Variants in FCHSD2 observed in about 807,000 individuals in gnomAD.
The protein encoded by FCHSD2 is FCH and double SH3 domains 2, also known as F-BAR and double SH3 domains protein 2.
In FCHSD2, 38 loss-of-function variants were observed where a neutral mutation model predicts 108.1. The observed-to-expected ratio is 0.35, with a 90% CI of 0.27 to 0.46. The LOEUF is 0.46. FCHSD2 is among the 20% of genes least tolerant of loss of function. The pLI, the probability that FCHSD2 is intolerant of heterozygous loss-of-function variation, is 1.00. For synonymous variants in FCHSD2, 279 were observed against 314.7 expected, an observed-to-expected ratio of 0.89 and a Z score of 1.20; for missense variants, 751 against 897.8, an observed-to-expected ratio of 0.84 and a Z score of 2.09.
intron 6 of FCHSD2, among the ~76,000 whole-genome samples, chr11:72,988,219 C>T (rs762633042): frequency 6.6e-6 from 1 of 152,214 alleles, no homozygotes; most frequent in Non-Finnish European, 1.5e-5. Flanking sequence ...GACCCTGAGT[C>T]TCAGCTCTCC....
chr11:72,976,797 T>C (rs1857111864), intron 8 of FCHSD2, among the ~76,000 whole-genome samples: 1 of 152,084 alleles, frequency 6.6e-6, no homozygotes, highest in African/African-American at 2.4e-5. Flanking sequence ...GAACATACAC[T>C]GGGGGAAAAG....
chr11:72,864,749 A>G (rs1006486997), intron 13 of FCHSD2, among the ~76,000 whole-genome samples: 15 of 152,226 alleles, frequency 9.9e-5, no homozygotes, highest in African/African-American at 3.6e-4. Context: ...TTGCAGAATT[A>G]ATATAATATC....
intron 3 of FCHSD2, among the ~76,000 whole-genome samples, chr11:73,079,787 C>T (rs957003964): frequency 6.6e-6 from 1 of 151,986 alleles, no homozygotes; most frequent in South Asian, 2.1e-4. Flanking sequence ...ATCTAAAGGG[C>T]AAATGTGATA....
intron 5 of FCHSD2, among the ~76,000 whole-genome samples, chr11:72,996,089 AG>A (rs1488862008): frequency 2.0e-5 from 3 of 152,300 alleles, no homozygotes; most frequent in African/African-American, 7.2e-5. Context: ...AAGGAGTAAG[AG>A]AATTAAGTAG....
intron 3 of FCHSD2, among the ~76,000 whole-genome samples, chr11:73,035,782 G>A (rs568358276): frequency 6.6e-5 from 10 of 151,252 alleles, no homozygotes; most frequent in Admixed American, 1.3e-4. Flanking sequence ...GTACAGTGGC[G>A]CGATCTTGGC....
intron 8 of FCHSD2, among the ~76,000 whole-genome samples, chr11:72,977,964 T>G (rs185013639): frequency 2.0e-5 from 3 of 152,166 alleles, no homozygotes; most frequent in Non-Finnish European, 4.4e-5. Flanking sequence ...ATATACACCA[T>G]GGAATACTAT....
At position 72,908,845 on chromosome 11, in the gene FCHSD2, G is replaced by A. The variant is rs112954419; in HGVS notation, c.829-6207C>T. On this transcript the variant is annotated intron_variant, in intron 9 of 19. Transcript: ENST00000409418. Reference sequence around the variant, plus strand: ...AGTTTTGTACTTTTTGTAGAGATGGGGTTTCACCATGTTGCCCAGGCTGGT... The same window carrying A: ...AGTTTTGTACTTTTTGTAGAGATGGAGTTTCACCATGTTGCCCAGGCTGGT... Among the ~76,000 whole-genome samples, 683 of 152,104 alleles carry A rather than the reference G, an allele frequency of 4.5e-3. 1 individual carries two copies. The highest frequency in any genetic ancestry group is 0.016 in the African/African-American group (663 of 41,466).
At chr11:73,080,294 C>CT (rs1259715825) in intron 3 of FCHSD2, among the ~76,000 whole-genome samples, 1,481 of 110,994 alleles carry the variant, frequency 0.013, 33 homozygotes, top group African/African-American at 0.051. Context: ...AAGACCCTGT[C>CT]TCAAAAAAAA....
intron 5 of FCHSD2, among the ~76,000 whole-genome samples, chr11:72,996,607 G>A: frequency 6.6e-6 from 1 of 152,176 alleles, no homozygotes; most frequent in South Asian, 2.1e-4. Flanking sequence ...ATACAATTGT[G>A]TTTATCTTCC....
At chr11:72,997,704 TC>T (rs1857546111) in intron 5 of FCHSD2, among the ~76,000 whole-genome samples, 2 of 152,220 alleles carry the variant, frequency 1.3e-5, no homozygotes, top group African/African-American at 4.8e-5. Flanking sequence ...TATGAGGTTT[TC>T]TTTGTTTTGT....
At chr11:72,979,736 C>T (rs1436563914) in intron 8 of FCHSD2, among the ~76,000 whole-genome samples, 1 of 152,142 alleles carries the variant, frequency 6.6e-6, no homozygotes, top group Non-Finnish European at 1.5e-5. Flanking sequence ...AGGATGTGCT[C>T]TACCAAAGGA....
chr11:73,127,389 T>C (rs1281978479), intron 2 of FCHSD2, among the ~76,000 whole-genome samples: 1 of 152,000 alleles, frequency 6.6e-6, no homozygotes, highest in African/African-American at 2.4e-5. Context: ...TTCCATAAAT[T>C]ACTCCCGATC....
At chr11:72,961,571 T>C (rs1421473425) in intron 8 of FCHSD2, among the ~76,000 whole-genome samples, 3 of 152,154 alleles carry the variant, frequency 2.0e-5, no homozygotes, top group Non-Finnish European at 4.4e-5. Context: ...TTGTTTTAAA[T>C]GCGGATGTGT....
At chr11:73,081,777 A>G (rs1859693268) in intron 3 of FCHSD2, among the ~76,000 whole-genome samples, 1 of 152,212 alleles carries the variant, frequency 6.6e-6, no homozygotes, top group South Asian at 2.1e-4. Flanking sequence ...AAAGGGCATC[A>G]TAACTGTTGC....
chr11:73,094,012 C>A (rs548473508), intron 2 of FCHSD2, among the ~76,000 whole-genome samples: 2 of 152,090 alleles, frequency 1.3e-5, no homozygotes, highest in South Asian at 4.2e-4. Context: ...GGAGTTCAAG[C>A]CCAGCCTGGC....
chr11:73,123,418 T>C (rs773943940), intron 2 of FCHSD2, among the ~76,000 whole-genome samples: 15 of 152,204 alleles, frequency 9.9e-5, no homozygotes, highest in Non-Finnish European at 1.9e-4. Context: ...CATCCTTAAT[T>C]ACAAATGAGA....
chr11:72,989,477 C>T (rs797019725), intron 5 of FCHSD2, among the ~76,000 whole-genome samples: 3 of 152,108 alleles, frequency 2.0e-5, no homozygotes, highest in South Asian at 4.1e-4. Flanking sequence ...TTAACAAAGT[C>T]TCTCTTTATG....
intron 3 of FCHSD2, among the ~76,000 whole-genome samples, chr11:73,036,866 A>G (rs999473727): frequency 2.0e-5 from 3 of 152,196 alleles, no homozygotes; most frequent in Non-Finnish European, 4.4e-5. Flanking sequence ...TGTAATACAC[A>G]TATTCTGCTT....
chr11:73,120,744 A>G (rs1371358530), intron 2 of FCHSD2, among the ~76,000 whole-genome samples: 1 of 151,948 alleles, frequency 6.6e-6, no homozygotes, highest in Non-Finnish European at 1.5e-5. Flanking sequence ...AATAATAATA[A>G]TAAAACAAAA....
Sources: allele counts gnomAD v4.1 joint callset (sites outside exome capture counted in the v4.1 genomes callset), GRCh38; gene constraint gnomAD v4.1.1; transcripts MANE v1.5; gene names NCBI Gene and HGNC (gene_info 2026-07-23, HGNC 2026-07-21).